Variants in PTPN20 observed in about 807,000 individuals in gnomAD.
The protein encoded by PTPN20 is tyrosine-protein phosphatase non-receptor type 20.
In PTPN20, 9 loss-of-function variants were observed where a neutral mutation model predicts 35.0. That is an observed-to-expected ratio of 0.26 (90% CI 0.15 to 0.45). The LOEUF is 0.45. Ranked by LOEUF, PTPN20 falls within the 20% of genes least tolerant of loss-of-function variation. The pLI is 1.00. For synonymous variants in PTPN20, 32 were observed against 100.2 expected, an observed-to-expected ratio of 0.32 and a Z score of 4.06; for missense variants, 111 against 312.5, an observed-to-expected ratio of 0.36 and a Z score of 4.86.
At chr10:46,993,125 G>A (rs1386518362) in intron 9 of PTPN20, among the ~76,000 whole-genome samples, 1 of 152,136 alleles carries the variant, frequency 6.6e-6, no homozygotes, top group Non-Finnish European at 1.5e-5. Flanking sequence ...AATAATGGCC[G>A]GCAAATAGAC....
In PTPN20 at chr10:47,001,125, T is replaced by A. The variant is rs2059992183; in HGVS notation, c.*384T>A. On this transcript the variant is annotated 3_prime_UTR_variant, in exon 11 of 11. Transcript: ENST00000374339. ...TGAGGATTTCCAGGACTTTGTAAGT[T>A]CTTATTCTGGGAGAACATAAGGCCA... 1.1e-5 allele frequency: 3 copies of A among 269,382 alleles called. No individual in the cohort carries two copies. The Admixed American group carries it at 1.5e-4, about 13-fold the overall frequency. The allele number at this position is 269,382 out of a possible 1,614,324, so 16.7% of individuals were successfully genotyped here. A position where few individuals can be genotyped will look rare whatever the true frequency, so the allele number is the denominator to read the frequency against.
At chr10:46,920,469 A>G (rs2132286893) in intron 1 of PTPN20, among the ~76,000 whole-genome samples, 1 of 150,220 alleles carries the variant, frequency 6.7e-6, no homozygotes, top group African/African-American at 2.5e-5. Flanking sequence ...CCCCAGACTC[A>G]GGGCTTATAT....
At chr10:46,936,553 T>C (rs2041723008) in intron 2 of PTPN20, among the ~76,000 whole-genome samples, 1 of 151,732 alleles carries the variant, frequency 6.6e-6, no homozygotes, top group South Asian at 2.1e-4. Context: ...ATTGAAAACC[T>C]TTTGGAAATA....
At chr10:46,972,366 A>G (rs1379319349) in intron 7 of PTPN20, among the ~76,000 whole-genome samples, 3 of 151,442 alleles carry the variant, frequency 2.0e-5, no homozygotes, top group Admixed American at 6.6e-5. Flanking sequence ...GAAAATGCAA[A>G]TTAAAACCAT....
chr10:46,992,483 C>G (rs1190304099), intron 9 of PTPN20, among the ~76,000 whole-genome samples: 1 of 152,166 alleles, frequency 6.6e-6, no homozygotes, highest in African/African-American at 2.4e-5. Flanking sequence ...AATCTTTGAG[C>G]TCTGAGATTC....
At position 46,995,333 on chromosome 10, in the gene PTPN20, CTTTTTTTTTTTT is replaced by C. The variant is rs878968027; in HGVS notation, c.1135-4570_1135-4559del. The stretch of plus-strand genomic sequence containing the variant: ...AATTTACCTGTCGAATTTTTTTTTT[CTTTTTTTTTTTT>C]TTTTTTTTGGTGAGGGGCTAAGTTG... On this transcript the variant is annotated intron_variant, in intron 9 of 10. Transcript: ENST00000374339. 1.1e-4 allele frequency among the ~76,000 whole-genome samples: 9 copies of C among 85,686 alleles called. No homozygotes were observed. In the South Asian group the frequency reaches 3.2e-3, roughly 30 times the overall value. The allele number at this position is 85,686 out of a possible 152,430, so 56.2% of individuals were successfully genotyped here.
At chr10:46,947,426 A>G (rs1246768757) in intron 5 of PTPN20, among the ~76,000 whole-genome samples, 1 of 150,886 alleles carries the variant, frequency 6.6e-6, no homozygotes, top group Non-Finnish European at 1.5e-5. Flanking sequence ...ATTAAAATGC[A>G]GATCTCCTAC....
intron 2 of PTPN20, among the ~76,000 whole-genome samples, chr10:46,933,412 A>G (rs2040403173): frequency 6.6e-6 from 1 of 151,698 alleles, no homozygotes; most frequent in South Asian, 2.1e-4. Flanking sequence ...TTCAGAACGT[A>G]TTCATCTTGT....
chr10:46,933,564 A>T (rs1309188149), intron 2 of PTPN20, among the ~76,000 whole-genome samples: 8 of 142,316 alleles, frequency 5.6e-5, no homozygotes, highest in Non-Finnish European at 4.6e-5. Context: ...GAGGGATAGG[A>T]GTCTAAGTTT....
At chr10:46,933,314 G>GT (rs2040367855) in intron 2 of PTPN20, among the ~76,000 whole-genome samples, 1 of 150,660 alleles carries the variant, frequency 6.6e-6, no homozygotes, top group African/African-American at 2.5e-5. Context: ...TTCTTTGTGT[G>GT]TATGTGTGTA....
At chr10:46,938,107 T>C (rs1589364714) in intron 2 of PTPN20, among the ~76,000 whole-genome samples, 2 of 151,974 alleles carry the variant, frequency 1.3e-5, no homozygotes, top group Non-Finnish European at 2.9e-5. Flanking sequence ...CGCACCACCA[T>C]GCCCAGCTAA....
chr10:46,997,088 A>T (rs1555181764), intron 9 of PTPN20, among the ~76,000 whole-genome samples: 2 of 152,182 alleles, frequency 1.3e-5, no homozygotes, highest in Non-Finnish European at 2.9e-5. Context: ...TACTGTATTG[A>T]ATCTTCCAAT....
chr10:46,932,651 T>C, intron 2 of PTPN20, 118 bp downstream of exon 2: 1 of 1,515,346 alleles, frequency 6.6e-7, no homozygotes, highest in Non-Finnish European at 9.1e-7. Context: ...ATTCTGATCC[T>C]CTGGGTCTTG....
intron 5 of PTPN20, among the ~76,000 whole-genome samples, chr10:46,953,384 TTTCTTTC>T (rs2047380931): frequency 7.0e-6 from 1 of 143,574 alleles, no homozygotes; most frequent in African/African-American, 2.9e-5. Flanking sequence ...TCTTTCTTTC[TTTCTTTC>T]TTTCTTTTTT....
At chr10:46,997,403 G>T (rs2059313291) in intron 9 of PTPN20, among the ~76,000 whole-genome samples, 2 of 149,890 alleles carry the variant, frequency 1.3e-5, no homozygotes, top group African/African-American at 2.4e-5. Context: ...GTTCTACATA[G>T]ACAGTCATGC....
At position 46,994,322 on chromosome 10, in the gene PTPN20, CTTTTTTTTTTTTT is replaced by C. The variant is rs36049729; in HGVS notation, c.1135-5578_1135-5566del. Among the ~76,000 whole-genome samples the C allele has an allele frequency of 2.0e-4, 13 of 66,294 alleles. No individual in the cohort carries two copies. In the East Asian group the frequency reaches 2.3e-3, roughly 12 times the overall value. The allele number at this position is 66,294 out of a possible 152,430, so 43.5% of individuals were successfully genotyped here. On this transcript the variant is annotated intron_variant, in intron 9 of 10. Coordinates refer to ENST00000374339, the MANE Select transcript of PTPN20 (RefSeq NM_001042357.5). Reference sequence around the variant, plus strand: ...AATATGTTTGGTGTTCTCTGATGCTCTTTTTTTTTTTTTTTTTTTTTTTTGAGACGGAGTCTCG... The same window carrying C: ...AATATGTTTGGTGTTCTCTGATGCTCTTTTTTTTTTTGAGACGGAGTCTCG...
At chr10:47,000,225 C>T (rs1275377102) in intron 10 of PTPN20, among the ~76,000 whole-genome samples, 7 of 152,140 alleles carry the variant, frequency 4.6e-5, no homozygotes, top group African/African-American at 1.4e-4. Context: ...GAGGTCTCCT[C>T]GTGTCCAAAC....
At chr10:46,928,167 A>G (rs1303635191) in intron 1 of PTPN20, among the ~76,000 whole-genome samples, 30 of 151,792 alleles carry the variant, frequency 2.0e-4, no homozygotes, top group Non-Finnish European at 3.5e-4. Flanking sequence ...AGGGTGAAGC[A>G]TTGTTGATAT....
chr10:46,958,952 A>C (rs1353039293), intron 5 of PTPN20, among the ~76,000 whole-genome samples: 1 of 150,992 alleles, frequency 6.6e-6, no homozygotes, highest in Non-Finnish European at 1.5e-5. Flanking sequence ...AGCCTAACAC[A>C]TGCAAAATAT....
Sources: gnomAD v4.1 joint callset for allele counts (sites outside exome capture counted in the v4.1 genomes callset) on GRCh38, gnomAD v4.1.1 for gene constraint, MANE v1.5 for transcripts, NCBI Gene and HGNC (gene_info 2026-07-23, HGNC 2026-07-21) for gene names.